HSPG2: variants seen among roughly 807,000 people sequenced by gnomAD.
HSPG2 encodes the protein basement membrane-specific heparan sulfate proteoglycan core protein.
Under a neutral mutation model 526.6 loss-of-function variants are expected in HSPG2, and 278 were observed. That is an observed-to-expected ratio of 0.53 (90% confidence interval 0.48 to 0.58). The LOEUF is 0.58. Ranked by LOEUF, HSPG2 falls within the 20% of genes least tolerant of loss-of-function variation. HSPG2 has a pLI of 0.00. For synonymous variants in HSPG2, 2,465 were observed against 2,555.4 expected (o/e 0.96, Z 1.07); for missense variants, 5,354 against 6,099.5 (o/e 0.88, Z 4.07).
intron 1 of HSPG2, among the ~76,000 whole-genome samples, chr1:21,901,788 G>T (rs921168186): frequency 1.3e-5 from 2 of 152,074 alleles, no homozygotes; most frequent in Non-Finnish European, 2.9e-5. Flanking sequence ...GTGCAGGGGC[G>T]GGGGGACAAA....
chr1:21,895,506 C>T lies in HSPG2; in HGVS notation c.244+416G>A, dbSNP rs575402813. 2.8e-4 allele frequency among the ~76,000 whole-genome samples: 42 copies of T among 152,318 alleles called. No homozygotes were observed. The highest frequency in any genetic ancestry group is 8.7e-4 in the African/African-American group (36 of 41,564). On this transcript the variant is annotated intron_variant, in intron 3 of 96. Coordinates refer to ENST00000374695, the MANE Select transcript of HSPG2 (RefSeq NM_005529.7). This position sits in a 1 kb window ranked among gnomAD's most constrained non-coding sequence, Gnocchi z 4.1. ...ATGCCCTGCTGCCTGCCTGAATGCC[C>T]GATTCCACAGAGCCCCTCTGTTCCA...
chr1:21,878,853 T>C, intron 18 of HSPG2, 141 bp downstream of exon 18: 1 of 1,254,074 alleles, frequency 8.0e-7, no homozygotes, highest in Non-Finnish European at 1.1e-6. Flanking sequence ...AACAGAGGCC[T>C]AGAGAGGTCC....
chr1:21,917,950 T>C (rs1192287499), intron 1 of HSPG2, among the ~76,000 whole-genome samples: 1 of 152,224 alleles, frequency 6.6e-6, no homozygotes, highest in Non-Finnish European at 1.5e-5. Context: ...AGTTTTTTTT[T>C]TTCATCTTTT....
At chr1:21,927,351 T>C (rs950728128) in intron 1 of HSPG2, among the ~76,000 whole-genome samples, 1 of 152,092 alleles carries the variant, frequency 6.6e-6, no homozygotes, top group Non-Finnish European at 1.5e-5. Context: ...TGTGTGTCTC[T>C]CTCTCCTGAG....
intron 75 of HSPG2, 134 bp downstream of exon 75, chr1:21,836,668 G>T: frequency 1.3e-6 from 1 of 779,016 alleles, no homozygotes; most frequent in African/African-American, 1.7e-5. Context: ...GAACACTGAG[G>T]CTCAGAGAGG....
chr1:21,864,769 C>T lies in HSPG2; in HGVS notation c.4626+74G>A, dbSNP rs1208408589. On this transcript the variant is annotated intron_variant, in intron 36 of 96. Transcript: ENST00000374695. The surrounding 1 kb of genome is among the most constrained non-coding windows in gnomAD (Gnocchi z 4.8). ...ATAGTTATGATGGTAATCAAGGCTGCGGCGACGCCGGCTGATTTGCTTGCT... is the reference window on the plus strand; with the variant it reads ...ATAGTTATGATGGTAATCAAGGCTGTGGCGACGCCGGCTGATTTGCTTGCT... The T allele has an allele frequency of 8.8e-6, 11 of 1,250,706 alleles. No homozygotes were observed. The highest frequency in any genetic ancestry group is 2.5e-5 in the South Asian group (2 of 78,540). The allele number at this position is 1,250,706 out of a possible 1,614,324, so 77.5% of individuals were successfully genotyped here.
chr1:21,929,849 G>A (rs933044173), intron 1 of HSPG2, among the ~76,000 whole-genome samples: 5 of 152,084 alleles, frequency 3.3e-5, no homozygotes, highest in Non-Finnish European at 7.4e-5. Context: ...ATGTACTGGG[G>A]ATTCAACCAT....
Position 21,880,387 on chromosome 1 carries a change from C to A in HSPG2, c.2171G>T (p.Arg724Leu). Reference sequence around the variant, plus strand: ...CCTGCACTCCTCCACACTGTGGGCACGGCCATGGCTGGTGGCATGGGTGAC... The same window carrying A: ...CCTGCACTCCTCCACACTGTGGGCAAGGCCATGGCTGGTGGCATGGGTGAC... ...TTVTHATSHG[R>L]AHSVEECRCP... The change falls in exon 16 of 97, where the codon CGT (arginine) becomes CTT (leucine). Residue 724 changes from arginine (R) to leucine (L), a missense_variant. Transcript: ENST00000374695. 2 of 1,614,098 alleles carry A rather than the reference C, an allele frequency of 1.2e-6. No individual in the cohort carries two copies. Among genetic ancestry groups the A allele is most frequent in the East Asian group, 2.2e-5 (1 of 44,882 alleles).
Position 21,848,047 on chromosome 1 carries a change from G to C in HSPG2, c.7784C>G (p.Ser2595Trp). The change falls in exon 60 of 97, where the codon TCG (serine) becomes TGG (tryptophan). Residue 2595 changes from serine (S) to tryptophan (W), a missense_variant. Physicochemically the swap from Ser to Trp is radical, Grantham distance 177. Coordinates refer to ENST00000374695, the MANE Select transcript of HSPG2 (RefSeq NM_005529.7). This position sits in a 1 kb window ranked among gnomAD's most constrained non-coding sequence, Gnocchi z 4.9. ...ACTGACGTGACACACGTACTCGCCCGAGTCTGCCGGAGTCACCTGAGGGAT... is the reference window on the plus strand; with the variant it reads ...ACTGACGTGACACACGTACTCGCCCCAGTCTGCCGGAGTCACCTGAGGGAT... The part of the protein sequence containing the change: ...LRIPQVTPAD[S>W]GEYVCHVSNG... 6.2e-7 allele frequency: 1 copy of C among 1,612,916 alleles called. No individual in the cohort carries two copies. Among genetic ancestry groups the C allele is most frequent in the Non-Finnish European group, 8.5e-7 (1 of 1,179,794 alleles).
intron 1 of HSPG2, among the ~76,000 whole-genome samples, chr1:21,934,208 C>T (rs1448166694): frequency 6.6e-6 from 1 of 152,256 alleles, no homozygotes; most frequent in East Asian, 1.9e-4. Flanking sequence ...TCCCTAAGGC[C>T]CATCTCACCC....
intron 75 of HSPG2, 43 bp from the exon 76 acceptor site, chr1:21,835,680 C>T (rs771223726): frequency 2.7e-6 from 4 of 1,472,312 alleles, no homozygotes; most frequent in South Asian, 1.1e-5. Context: ...TTGAAAACAA[C>T]TGATAGAATG....
Position 21,843,251 on chromosome 1 carries a change from C to A in HSPG2, c.8758+46G>T, listed in dbSNP as rs755584457. The A allele has an allele frequency of 1.9e-6, 3 of 1,612,328 alleles. No homozygotes were observed. The African/African-American group carries it at 4.0e-5, about 22-fold the overall frequency. ...GGAGAGGAGCAGAGCTGGGAAGGAGCCCCGCGCCTGTGCTCTGGCATCGCC... is the reference window on the plus strand; with the variant it reads ...GGAGAGGAGCAGAGCTGGGAAGGAGACCCGCGCCTGTGCTCTGGCATCGCC... On this transcript the variant is annotated intron_variant, in intron 66 of 96. Coordinates refer to ENST00000374695, the MANE Select transcript of HSPG2 (RefSeq NM_005529.7).
rs930818547 is a variant in HSPG2 at position 21,840,955 on chromosome 1, T to C, written c.9513+146A>G. The C allele has an allele frequency of 1.3e-5, 9 of 716,152 alleles. No individual in the cohort carries two copies. In the African/African-American group the frequency reaches 1.6e-4, roughly 12 times the overall value. The allele number at this position is 716,152 out of a possible 1,614,324, so 44.4% of individuals were successfully genotyped here. On this transcript the variant is annotated intron_variant, in intron 71 of 96. Coordinates refer to ENST00000374695, the MANE Select transcript of HSPG2 (RefSeq NM_005529.7). The stretch of plus-strand genomic sequence containing the variant: ...TCCCTCTCATCTTCCAGTCTATTCG[T>C]CATCCACCCATCCCATCCCATTCCT...
At chr1:21,901,353 G>A (rs1643093090) in intron 1 of HSPG2, among the ~76,000 whole-genome samples, 1 of 152,102 alleles carries the variant, frequency 6.6e-6, no homozygotes, top group African/African-American at 2.4e-5. Flanking sequence ...GAGGGTGCAT[G>A]GTAGGGGTGA....
In HSPG2 at chr1:21,887,682, T is replaced by G; in HGVS notation, c.704-8A>C. On this transcript the variant is annotated splice_region_variant and splice_polypyrimidine_tract_variant and intron_variant, in intron 7 of 96. Coordinates refer to ENST00000374695, the MANE Select transcript of HSPG2 (RefSeq NM_005529.7). The surrounding 1 kb of genome is among the most constrained non-coding windows in gnomAD (Gnocchi z 5.0). ...TACCCAGGACTGGCTCCTCTGTGGA[T>G]AGATTCCGCTTGGCATTTGGCAGAA... 2 of 1,613,866 alleles carry G rather than the reference T, an allele frequency of 1.2e-6. No homozygotes were observed. The highest frequency in any genetic ancestry group is 1.7e-6 in the Non-Finnish European group (2 of 1,179,996).
intron 33 of HSPG2, chr1:21,868,866 C>T: frequency 2.2e-6 from 2 of 895,624 alleles, no homozygotes; most frequent in Non-Finnish European, 2.7e-6. Context: ...CCCCTATAAT[C>T]CCCCCAAATC....
Position 21,890,288 on chromosome 1 carries a change from G to T in HSPG2, c.413+139C>A. 1 of 1,264,580 alleles carries T rather than the reference G, an allele frequency of 7.9e-7. No individual in the cohort carries two copies. The highest frequency in any genetic ancestry group is 1.2e-5 in the South Asian group (1 of 83,594). 78.3% of individuals were successfully genotyped at this position (1,264,580 alleles called of 1,614,324 possible). ...CAACTAAAGGTCCCAATGATCCCCCGACCAATTCCTGAATTTCCACCCACA... is the reference window on the plus strand; with the variant it reads ...CAACTAAAGGTCCCAATGATCCCCCTACCAATTCCTGAATTTCCACCCACA... On this transcript the variant is annotated intron_variant, in intron 5 of 96. Transcript: ENST00000374695. The surrounding 1 kb of genome is among the most constrained non-coding windows in gnomAD (Gnocchi z 4.1).
chr1:21,925,662 T>A (rs1211557359), intron 1 of HSPG2, among the ~76,000 whole-genome samples: 1 of 152,184 alleles, frequency 6.6e-6, no homozygotes, highest in Non-Finnish European at 1.5e-5. Flanking sequence ...AAAGCCCATG[T>A]GGCAGACATG....
rs886101810 is a variant in HSPG2, at chr1:21,848,840, G to A, written c.7586-46C>T. On this transcript the variant is annotated intron_variant, in intron 58 of 96. Transcript: ENST00000374695. This position sits in a 1 kb window ranked among gnomAD's most constrained non-coding sequence, Gnocchi z 4.9. ...GCAGGGTGTGGGAGCTGCTGAGGGTGCAGTCGGGGTCCCCCAGCCCTCCAC... is the reference window on the plus strand; with the variant it reads ...GCAGGGTGTGGGAGCTGCTGAGGGTACAGTCGGGGTCCCCCAGCCCTCCAC... 5 of 1,612,984 alleles carry A rather than the reference G, an allele frequency of 3.1e-6. No homozygotes were observed. In the African/African-American group the frequency reaches 6.7e-5, roughly 22 times the overall value.
Sources: gnomAD v4.1 joint callset for allele counts (sites outside exome capture counted in the v4.1 genomes callset) on GRCh38, gnomAD v4.1.1 for gene constraint, Gnocchi (gnomAD v3.1) non-coding constraint, MANE v1.5 for transcripts, NCBI Gene and HGNC (gene_info 2026-07-23, HGNC 2026-07-21) for gene names.